Variants in GLYAT observed in about 807,000 individuals in gnomAD.
GLYAT encodes the protein glycine N-acyltransferase.
A neutral mutation model predicts 22.8 loss-of-function variants in GLYAT; 25 were observed. The ratio of observed to expected loss-of-function variants is 1.09; its 90% CI spans 0.80 to 1.53. The LOEUF is 1.53. GLYAT is among the 40% of genes most tolerant of loss of function. The probability of loss-of-function intolerance (pLI) is 0.00; values close to 1 mark genes in which losing one functional copy is unlikely to be tolerated. For synonymous variants in GLYAT, 140 were observed against 122.7 expected, an observed-to-expected ratio of 1.14 and a Z score of -0.93; for missense variants, 411 against 353.9, an observed-to-expected ratio of 1.16 and a Z score of -1.29.
intron 2 of GLYAT, among the ~76,000 whole-genome samples, chr11:58,715,934 C>G (rs981579942): frequency 2.0e-5 from 3 of 152,088 alleles, no homozygotes; most frequent in Non-Finnish European, 2.9e-5. Flanking sequence ...CTTACAATAT[C>G]CAGAAGAGTA....
At chr11:58,716,243 G>A (rs1856678606) in intron 2 of GLYAT, among the ~76,000 whole-genome samples, 1 of 152,074 alleles carries the variant, frequency 6.6e-6, no homozygotes, top group African/African-American at 2.4e-5. Flanking sequence ...AGTAGTGGAT[G>A]TCAGCATAGA....
At chr11:58,715,488 G>T in intron 2 of GLYAT, 65 bp from the exon 3 acceptor site, 1 of 728,904 alleles carries the variant, frequency 1.4e-6, no homozygotes, top group Non-Finnish European at 2.4e-6. Context: ...TTTCTTGCTT[G>T]ATTAGGACAA....
Position 58,709,984 on chromosome 11 carries a change from T to C in GLYAT, c.673A>G (p.Thr225Ala), listed in dbSNP as rs1207429494. 13 of 1,613,960 alleles carry C rather than the reference T, an allele frequency of 8.1e-6. No homozygotes were observed. In the Admixed American group the frequency reaches 2.2e-4, roughly 27 times the overall value. ...GTGCCTGCCATTCTCATCTCTCCAG[T>C]CTGGTCCATTAGATCCCAGCACACA... ...TPVCWDLMDQTGEMRMAGTLP... is the reference protein window; with the variant it reads ...TPVCWDLMDQAGEMRMAGTLP... Residue 225 changes from threonine (T) to alanine (A), a missense_variant, in exon 6 of 6, where the codon ACT becomes GCT. Thr to Ala is a moderately conservative substitution (Grantham distance 58). Coordinates refer to ENST00000344743, the MANE Select transcript of GLYAT (RefSeq NM_201648.3).
At chr11:58,725,052 T>C (rs1214828245) in intron 1 of GLYAT, among the ~76,000 whole-genome samples, 1 of 152,136 alleles carries the variant, frequency 6.6e-6, no homozygotes, top group East Asian at 1.9e-4. Context: ...CCTTTTCTTC[T>C]TTCCCCCACT....
At chr11:58,715,472 G>A (rs374117343) in intron 2 of GLYAT, 49 bp from the exon 3 acceptor site, 6 of 843,664 alleles carry the variant, frequency 7.1e-6, no homozygotes, top group African/African-American at 1.7e-5. Context: ...GAAAAAAACA[G>A]TAAAGTTTCT....
At position 58,709,509 on chromosome 11, in the gene GLYAT, T is replaced by A. The variant is rs1018278544; in HGVS notation, c.*257A>T. 1.5e-4 allele frequency: 60 copies of A among 395,438 alleles called. No homozygotes were observed. Among genetic ancestry groups the A allele is most frequent in the African/African-American group, 1.2e-3 (58 of 50,058 alleles). The allele number at this position is 395,438 out of a possible 1,614,324, so 24.5% of individuals were successfully genotyped here. On this transcript the variant is annotated 3_prime_UTR_variant, in exon 6 of 6. Transcript: ENST00000344743. ...GGAGCAATATGTATCTGATGAAGTG[T>A]CATAGAGGTCCTGGAAATGTGGGGA...
chr11:58,709,824 G>A lies in GLYAT; in HGVS notation c.833C>T (p.Thr278Ile). The A allele has an allele frequency of 1.2e-6, 2 of 1,613,748 alleles. No individual in the cohort carries two copies. Among genetic ancestry groups the A allele is most frequent in the East Asian group, 2.2e-5 (1 of 44,882 alleles). Residue 278 changes from threonine to isoleucine, a missense_variant, in exon 6 of 6, where the codon ACA becomes ATA. Transcript: ENST00000344743. ...SNEAMQKMSY[T>I]LQHVPIPRSW... ...TCTGGGAATGGGAACATGTTGCAGT[G>A]TGTAACTCATTTTTTGCATAGCTTC...
intron 1 of GLYAT, among the ~76,000 whole-genome samples, chr11:58,730,144 A>C (rs1031995585): frequency 6.6e-6 from 1 of 152,168 alleles, no homozygotes; most frequent in Non-Finnish European, 1.5e-5. Context: ...TTATTACAGA[A>C]ATGGAAATTA....
chr11:58,729,031 T>C (rs1431155437), intron 1 of GLYAT, among the ~76,000 whole-genome samples: 1 of 151,940 alleles, frequency 6.6e-6, no homozygotes, highest in Non-Finnish European at 1.5e-5. Context: ...TCTGAGCATA[T>C]ATAAAAAGAA....
Position 58,710,076 on chromosome 11 carries a change from T to C in GLYAT, c.581A>G (p.Gln194Arg), listed in dbSNP as rs771594775. 6.2e-7 allele frequency: 1 copy of C among 1,612,104 alleles called. No individual in the cohort carries two copies. The highest frequency in any genetic ancestry group is 2.2e-5 in the East Asian group (1 of 44,870). Residue 194 changes from glutamine to arginine, a missense_variant, in exon 6 of 6, where the codon CAG becomes CGG. Transcript: ENST00000344743. ...CTGAATGCAGCGCTCAATGAATCTC[T>C]GGCTCCTCTCATTACCACCAAAATG... The part of the protein sequence containing the change: ...FWHFGGNERS[Q>R]RFIERCIQTF...
At position 58,721,425 on chromosome 11, in the gene GLYAT, T is replaced by TA. The variant is rs935571892; in HGVS notation, c.81+2990dup. Among the ~76,000 whole-genome samples the TA allele has an allele frequency of 5.0e-4, 75 of 150,868 alleles. 1 individual carries two copies. Among genetic ancestry groups the TA allele is most frequent in the African/African-American group, 1.3e-3 (52 of 41,208 alleles). ...CCTTTGTTGCAATAACTATTTTAGT[T>TA]AAAAAAAAATCAGGTGAAAACAGAA... On this transcript the variant is annotated intron_variant, in intron 2 of 5. Transcript: ENST00000344743.
intron 4 of GLYAT, among the ~76,000 whole-genome samples, chr11:58,711,499 T>A (rs1045046990): frequency 6.6e-6 from 1 of 152,128 alleles, no homozygotes; most frequent in Non-Finnish European, 1.5e-5. Flanking sequence ...ACAGTAAGGA[T>A]TTGTGTAATT....
chr11:58,716,179 A>T (rs970126628), intron 2 of GLYAT, among the ~76,000 whole-genome samples: 12 of 152,074 alleles, frequency 7.9e-5, no homozygotes, highest in African/African-American at 2.9e-4. Context: ...AGAATGAGTG[A>T]GAGTAAACCC....
At chr11:58,718,431 AT>A (rs1336718015) in intron 2 of GLYAT, among the ~76,000 whole-genome samples, 5 of 152,180 alleles carry the variant, frequency 3.3e-5, no homozygotes, top group African/African-American at 9.6e-5. Context: ...CATGTAGTTA[AT>A]TCCTATTTTG....
At chr11:58,728,053 C>CTTTTTTTTTTTTTTT (rs1173955703) in intron 1 of GLYAT, among the ~76,000 whole-genome samples, 1 of 68,652 alleles carries the variant, frequency 1.5e-5, no homozygotes. Flanking sequence ...TGCTCTAAAG[C>CTTTTTTTTTTTTTTT]TTTTTTTTTT....
intron 1 of GLYAT, among the ~76,000 whole-genome samples, chr11:58,731,075 T>C (rs1856866832): frequency 6.6e-6 from 1 of 152,188 alleles, no homozygotes; most frequent in Non-Finnish European, 1.5e-5. Context: ...GTGGTAGTAC[T>C]GTTGTAGATT....
intron 1 of GLYAT, among the ~76,000 whole-genome samples, chr11:58,728,466 T>C (rs1319839114): frequency 2.6e-5 from 4 of 152,180 alleles, no homozygotes; most frequent in African/African-American, 9.6e-5. Context: ...AGAATTGAGG[T>C]TGCTGCAGAC....
At chr11:58,721,862 A>G (rs1425154669) in intron 2 of GLYAT, among the ~76,000 whole-genome samples, 1 of 151,844 alleles carries the variant, frequency 6.6e-6, no homozygotes, top group Non-Finnish European at 1.5e-5. Flanking sequence ...GTTCCTCATA[A>G]TTTAGAGTTC....
At chr11:58,722,149 G>A (rs1433717415) in intron 2 of GLYAT, among the ~76,000 whole-genome samples, 1 of 152,022 alleles carries the variant, frequency 6.6e-6, no homozygotes, top group Admixed American at 6.6e-5. Flanking sequence ...ACAGACCTCA[G>A]CAAATTGTCC....
Sources: allele counts gnomAD v4.1 joint callset (sites outside exome capture counted in the v4.1 genomes callset), GRCh38; gene constraint gnomAD v4.1.1; transcripts MANE v1.5; gene names NCBI Gene and HGNC (gene_info 2026-07-23, HGNC 2026-07-21).